The following RNF128 variants were observed in gnomAD, a reference collection of about 807,000 sequenced individuals.
The protein encoded by RNF128 is E3 ubiquitin-protein ligase RNF128.
Under a neutral mutation model 26.2 loss-of-function variants are expected in RNF128, and 13 were observed. That is an observed-to-expected ratio of 0.50 (90% CI 0.32 to 0.79). The LOEUF is 0.79. Ranked by LOEUF, RNF128 falls within the 30% of genes least tolerant of loss-of-function variation. The pLI is 0.03. For missense variants in RNF128, 315 were observed against 349.7 expected, an observed-to-expected ratio of 0.90 and a Z score of 0.79; for synonymous variants, 149 against 142.5, an observed-to-expected ratio of 1.05 and a Z score of -0.32.
At chrX:106,770,674 T>G (rs1930354022) in intron 1 of RNF128, among the ~76,000 whole-genome samples, 1 of 111,655 alleles carries the variant, frequency 9.0e-6, no homozygotes, top group Admixed American at 9.5e-5. Flanking sequence ...GGTTTTTACT[T>G]CTTTGCGATG....
intron 2 of RNF128, among the ~76,000 whole-genome samples, chrX:106,779,059 T>C (rs1425922053): frequency 9.0e-6 from 1 of 111,570 alleles, no homozygotes; most frequent in Non-Finnish European, 1.9e-5. Context: ...TTTTGACTCT[T>C]GTATAAGAAG....
At chrX:106,762,679 TTG>T (rs1418051604) in intron 1 of RNF128, among the ~76,000 whole-genome samples, 1 of 110,810 alleles carries the variant, frequency 9.0e-6, no homozygotes, top group Non-Finnish European at 1.9e-5. Flanking sequence ...TATAGGCAAA[TTG>T]TGTGTCACAG....
intron 2 of RNF128, among the ~76,000 whole-genome samples, chrX:106,782,188 G>A (rs1468944611): frequency 8.9e-6 from 1 of 112,541 alleles, no homozygotes; most frequent in Admixed American, 9.4e-5. Context: ...CCCCAACTGT[G>A]TGATACAGCT....
intron 1 of RNF128, among the ~76,000 whole-genome samples, chrX:106,746,605 T>A (rs1929799448): frequency 9.0e-6 from 1 of 111,674 alleles, no homozygotes; most frequent in Non-Finnish European, 1.9e-5. Context: ...TTTTCCCCAA[T>A]AATGCCCAAG....
rs769045516 is a variant in RNF128 at position 106,710,462 on chromosome X, C to T, written c.406+16054C>T. Among the ~76,000 whole-genome samples the T allele has an allele frequency of 2.3e-4, 26 of 111,709 alleles. No individual in the cohort carries two copies. In the South Asian group the frequency reaches 8.2e-3, roughly 35 times the overall value. ...AAAACCTTTTGGAGTTTCAGGGATA[C>T]GAAAAGCTGATCTGGCTGGGCACTG... On this transcript the variant is annotated intron_variant, in intron 1 of 6. Coordinates refer to the RNF128 transcript ENST00000324342.
At chrX:106,704,330 G>A (rs1929009111) in intron 1 of RNF128, among the ~76,000 whole-genome samples, 1 of 108,865 alleles carries the variant, frequency 9.2e-6, no homozygotes, top group South Asian at 4.0e-4. Context: ...CTACTCGGGA[G>A]GCTGAGGTAG....
At chrX:106,771,475 C>G (rs1263588035) in intron 1 of RNF128, among the ~76,000 whole-genome samples, 1 of 112,859 alleles carries the variant, frequency 8.9e-6, no homozygotes, top group Non-Finnish European at 1.9e-5. Context: ...CCCCCAGCCC[C>G]ACTGCTGCCT....
At chrX:106,727,538 G>A (rs749375544) in intron 1 of RNF128, 141 bp downstream of exon 1, 158 of 799,766 alleles carry the variant, frequency 2.0e-4, no homozygotes, top group Non-Finnish European at 2.7e-4. Flanking sequence ...GTGGGGCAGG[G>A]TCCTCCCCGA....
At chrX:106,780,541 T>C (rs1354887338) in intron 2 of RNF128, among the ~76,000 whole-genome samples, 3 of 112,050 alleles carry the variant, frequency 2.7e-5, no homozygotes, top group Non-Finnish European at 5.6e-5. Flanking sequence ...CTCTTAGGAT[T>C]AGAGAGGAGG....
At chrX:106,697,885 A>G (rs1928897746) in intron 1 of RNF128, among the ~76,000 whole-genome samples, 1 of 109,162 alleles carries the variant, frequency 9.2e-6, no homozygotes, top group African/African-American at 3.3e-5. Flanking sequence ...TTTGGGTTAT[A>G]TTCTGCATTG....
At chrX:106,782,546 A>T (rs1263766414) in intron 2 of RNF128, among the ~76,000 whole-genome samples, 5 of 112,064 alleles carry the variant, frequency 4.5e-5, no homozygotes, top group African/African-American at 1.6e-4. Context: ...GCAGAGTTCC[A>T]GTACCAGCTT....
chrX:106,721,263 C>G (rs947160336), intron 1 of RNF128, among the ~76,000 whole-genome samples: 3 of 111,950 alleles, frequency 2.7e-5, no homozygotes, highest in Non-Finnish European at 5.6e-5. Flanking sequence ...CCTATGTTGT[C>G]GAGCTGTGTA....
intron 1 of RNF128, among the ~76,000 whole-genome samples, chrX:106,710,912 G>A (rs1929117023): frequency 9.0e-6 from 1 of 111,327 alleles, no homozygotes; most frequent in Admixed American, 9.6e-5. Context: ...GCAGAAATAT[G>A]TGGTCAACTA....
intron 1 of RNF128, among the ~76,000 whole-genome samples, chrX:106,715,360 G>A (rs777531288): frequency 3.6e-5 from 4 of 112,450 alleles, no homozygotes; most frequent in South Asian, 3.7e-4. Flanking sequence ...TTGGTGAAAT[G>A]TTTATTCATG....
intron 1 of RNF128, among the ~76,000 whole-genome samples, chrX:106,706,579 G>A (rs1489468258): frequency 9.0e-6 from 1 of 111,585 alleles, no homozygotes; most frequent in Non-Finnish European, 1.9e-5. Flanking sequence ...ATAGACCTGG[G>A]TTTGAATCCC....
chrX:106,789,110 A>AGT (rs1569445499), intron 4 of RNF128, among the ~76,000 whole-genome samples: 4 of 85,919 alleles, frequency 4.7e-5, no homozygotes, highest in African/African-American at 1.7e-4. Context: ...TATACTATAT[A>AGT]CTATATATAC....
intron 1 of RNF128, 136 bp downstream of exon 1, chrX:106,727,533 G>GA: frequency 3.6e-6 from 3 of 824,024 alleles, no homozygotes; most frequent in Non-Finnish European, 5.1e-6. Context: ...ACGGAGTGGG[G>GA]CAGGGTCCTC....
intron 1 of RNF128, among the ~76,000 whole-genome samples, chrX:106,771,419 G>A (rs944849214): frequency 8.9e-5 from 10 of 112,547 alleles, no homozygotes; most frequent in Non-Finnish European, 1.3e-4. Context: ...GAGCTTGCCC[G>A]CCACTTTGTT....
intron 4 of RNF128, 56 bp downstream of exon 4, chrX:106,788,056 T>G: frequency 1.5e-6 from 1 of 684,634 alleles, no homozygotes; most frequent in Middle Eastern, 3.7e-4. Context: ...CAAAAATGAC[T>G]GTGATGGAAG....
Sources: allele counts gnomAD v4.1 joint callset (sites outside exome capture counted in the v4.1 genomes callset), GRCh38; gene constraint gnomAD v4.1.1; transcripts MANE v1.5; gene names NCBI Gene and HGNC (gene_info 2026-07-23, HGNC 2026-07-21).